ASDURF: variants seen among roughly 807,000 people sequenced by gnomAD.
The protein encoded by ASDURF is ASDURF protein.
ASDURF carries 3 observed loss-of-function variants against 3.3 expected under a neutral mutation model. The observed-to-expected ratio is 0.92, with a 90% CI of 0.42 to 2.37. The LOEUF (loss-of-function observed/expected upper bound fraction) is 2.37. Ranked by LOEUF, ASDURF falls within the 30% of genes most tolerant of loss-of-function variation. The pLI, the probability that ASDURF is intolerant of heterozygous loss-of-function variation, is 0.05. For synonymous variants in ASDURF, 11 were observed against 8.3 expected, an observed-to-expected ratio of 1.32 and a Z score of -0.55; for missense variants, 23 against 25.4, an observed-to-expected ratio of 0.90 and a Z score of 0.21.
rs748093665 is a variant in ASDURF at position 189,666,245 on chromosome 2, T to C, written c.*134T>C. 46 of 1,614,036 alleles carry C rather than the reference T, an allele frequency of 2.9e-5. No homozygotes were observed. The highest frequency in any genetic ancestry group is 3.8e-5 in the Non-Finnish European group (45 of 1,180,008). On this transcript the variant is annotated 3_prime_UTR_variant, in exon 4 of 4. Coordinates refer to ENST00000607829, the MANE Select transcript of ASDURF (RefSeq NM_001353493.2). ...CGGGGACCCAATAGTAGTAAACAAT[T>C]GTTAAAGTCTGATGTTAACTACCAG...
chr2:189,666,357 G>A lies in ASDURF; in HGVS notation c.*246G>A, dbSNP rs2032804220. The A allele has an allele frequency of 6.2e-7, 1 of 1,613,732 alleles. No individual in the cohort carries two copies. The highest frequency in any genetic ancestry group is 8.5e-7 in the Non-Finnish European group (1 of 1,179,854). ...ATGAAAGAGGCAATGTGTTTCTATGGAATGGAGAAATTTTTAGTGGAATAA... is the reference window on the plus strand; with the variant it reads ...ATGAAAGAGGCAATGTGTTTCTATGAAATGGAGAAATTTTTAGTGGAATAA... On this transcript the variant is annotated 3_prime_UTR_variant, in exon 4 of 4. Transcript: ENST00000607829.
At chr2:189,664,912 AC>A (rs2032750382) in intron 2 of ASDURF, among the ~76,000 whole-genome samples, 1 of 152,246 alleles carries the variant, frequency 6.6e-6, no homozygotes, top group Non-Finnish European at 1.5e-5. Context: ...AGATTTAGTT[AC>A]AAAGATAATC....
At chr2:189,663,394 C>CTATAT (rs2032715732) in intron 1 of ASDURF, among the ~76,000 whole-genome samples, 1 of 152,048 alleles carries the variant, frequency 6.6e-6, no homozygotes, top group Non-Finnish European at 1.5e-5. Context: ...GCTGGGATTA[C>CTATAT]AGGCATGTGC....
rs1468658593 is a variant in ASDURF at position 189,665,424 on chromosome 2, C to T, written c.193C>T (p.Arg65Ter). 5 of 397,132 alleles carry T rather than the reference C, an allele frequency of 1.3e-5. No individual in the cohort carries two copies. The highest frequency in any genetic ancestry group is 2.1e-5 in the African/African-American group (1 of 48,200). 24.6% of individuals were successfully genotyped at this position (397,132 alleles called of 1,614,324 possible). The stretch of plus-strand genomic sequence containing the variant: ...CAGCAATATATTCTTTCTTGCAGAC[C>T]GAACAGAAATGCTGTCTGAGAGCAA... ...QNSNIFFLAD[R>*]TEMLSESKNI... The change falls in exon 3 of 4, where the codon CGA becomes TGA. Residue 65 changes from arginine (R) to a stop codon, truncating the protein, a stop_gained. Coordinates refer to ENST00000607829, the MANE Select transcript of ASDURF (RefSeq NM_001353493.2). LOFTEE classifies it high-confidence loss of function.
In ASDURF at chr2:189,666,202, C is replaced by T. The variant is rs773228359; in HGVS notation, c.*91C>T. 1 of 1,611,452 alleles carries T rather than the reference C, an allele frequency of 6.2e-7. No individual in the cohort carries two copies. The highest frequency in any genetic ancestry group is 1.1e-5 in the South Asian group (1 of 90,168). On this transcript the variant is annotated 3_prime_UTR_variant, in exon 4 of 4. Transcript: ENST00000607829. ...CAGTCAAGATTTAAAAGAGGACTTA[C>T]TATATAATCTTAAACAGCGGGGACC... is the stretch of plus-strand genomic sequence containing the variant.
At chr2:189,662,430 G>A (rs2032689193) in intron 1 of ASDURF, among the ~76,000 whole-genome samples, 1 of 152,144 alleles carries the variant, frequency 6.6e-6, no homozygotes, top group Non-Finnish European at 1.5e-5. Flanking sequence ...ATGTACACCT[G>A]TCATTCCTAA....
intron 2 of ASDURF, among the ~76,000 whole-genome samples, chr2:189,665,133 C>T (rs2032756539): frequency 6.6e-6 from 1 of 152,048 alleles, no homozygotes; most frequent in Non-Finnish European, 1.5e-5. Flanking sequence ...TTGATAAAAG[C>T]ATAAATCTGC....
At chr2:189,661,710 C>T (rs2032669061) in intron 1 of ASDURF, 100 bp downstream of exon 1, 2 of 398,600 alleles carry the variant, frequency 5.0e-6, no homozygotes, top group African/African-American at 4.1e-5. Context: ...CTGCCTGGGC[C>T]TCGGCTTTGC....
At position 189,661,498 on chromosome 2, in the gene ASDURF, C is replaced by T. The variant is rs1132360; in HGVS notation, c.-23C>T. ...AGGCTCCTTCAGGGCTGAGCCATCC[C>T]GCGTGTCTTGCGCTCGGTGGAAATG... On this transcript the variant is annotated 5_prime_UTR_variant, in exon 1 of 4. Coordinates refer to ENST00000607829, the MANE Select transcript of ASDURF (RefSeq NM_001353493.2). 267,511 of 399,052 alleles carry T rather than the reference C, an allele frequency of 0.67. 95,068 individuals carry two copies. The highest frequency in any genetic ancestry group is 0.77 in the South Asian group (6,020 of 7,856). The allele number at this position is 399,052 out of a possible 1,614,324, so 24.7% of individuals were successfully genotyped here. A position where few individuals can be genotyped will look rare whatever the true frequency, so the allele number is the denominator to read the frequency against.
chr2:189,663,499 C>T (rs776875689), intron 1 of ASDURF, among the ~76,000 whole-genome samples: 2 of 152,066 alleles, frequency 1.3e-5, no homozygotes, highest in East Asian at 1.9e-4. Context: ...GTGATCCGCC[C>T]GCCTTGGCCT....
chr2:189,665,227 G>A lies in ASDURF; in HGVS notation c.145-149G>A, dbSNP rs938824443. 1.9e-5 allele frequency: 7 copies of A among 369,538 alleles called. No individual in the cohort carries two copies. The South Asian group carries it at 7.4e-4, about 39-fold the overall frequency. The allele number at this position is 369,538 out of a possible 1,614,324, so 22.9% of individuals were successfully genotyped here. Reference sequence around the variant, plus strand: ...AGCAATTTCTGGTAGTTGGGCAGTGGGTGACTTTTATTTGTCTTTTTGCTT... The same window carrying A: ...AGCAATTTCTGGTAGTTGGGCAGTGAGTGACTTTTATTTGTCTTTTTGCTT... On this transcript the variant is annotated intron_variant, in intron 2 of 3. Coordinates refer to ENST00000607829, the MANE Select transcript of ASDURF (RefSeq NM_001353493.2).
At chr2:189,665,076 A>G (rs559776918) in intron 2 of ASDURF, among the ~76,000 whole-genome samples, 3 of 152,326 alleles carry the variant, frequency 2.0e-5, no homozygotes, top group Non-Finnish European at 4.4e-5. Flanking sequence ...GTGTTCTTGT[A>G]AAAGAACACT....
In ASDURF at chr2:189,664,073, T is replaced by C. The variant is rs546234522; in HGVS notation, c.144+119T>C. 1.2e-4 allele frequency: 41 copies of C among 333,020 alleles called. No individual in the cohort carries two copies. The South Asian group carries it at 4.4e-3, about 36-fold the overall frequency. The allele number at this position is 333,020 out of a possible 1,614,324, so 20.6% of individuals were successfully genotyped here. On this transcript the variant is annotated intron_variant, in intron 2 of 3. Coordinates refer to ENST00000607829, the MANE Select transcript of ASDURF (RefSeq NM_001353493.2). The stretch of plus-strand genomic sequence containing the variant: ...ATACTTTAATAAAATGTATAGTATT[T>C]CAGCATCTTTTAAAATTGCAAGTGT...
chr2:189,662,280 A>G (rs895398779), intron 1 of ASDURF, among the ~76,000 whole-genome samples: 3 of 152,260 alleles, frequency 2.0e-5, no homozygotes, highest in South Asian at 4.1e-4. Flanking sequence ...TTAAAGATAA[A>G]TGGGGGTGGC....
Position 189,661,474 on chromosome 2 carries a change from G to C in ASDURF, c.-47G>C. Reference sequence around the variant, plus strand: ...CGCATGCGCTGTGGCTAATGCCGTAGGCTCCTTCAGGGCTGAGCCATCCCG... The same window carrying C: ...CGCATGCGCTGTGGCTAATGCCGTACGCTCCTTCAGGGCTGAGCCATCCCG... On this transcript the variant is annotated 5_prime_UTR_variant, in exon 1 of 4. The change abolishes the stop of an existing upstream ORF in the 5' untranslated region. Coordinates refer to ENST00000607829, the MANE Select transcript of ASDURF (RefSeq NM_001353493.2). 2.5e-6 allele frequency: 1 copy of C among 399,218 alleles called. No individual in the cohort carries two copies. The highest frequency in any genetic ancestry group is 4.4e-6 in the Non-Finnish European group (1 of 226,176). The allele number at this position is 399,218 out of a possible 1,614,324, so 24.7% of individuals were successfully genotyped here.
At position 189,666,267 on chromosome 2, in the gene ASDURF, C is replaced by T. The variant is rs771137306; in HGVS notation, c.*156C>T. ...AATTGTTAAAGTCTGATGTTAACTA[C>T]CAGTGTTTATTTTCTGCTCACGTCC... On this transcript the variant is annotated 3_prime_UTR_variant, in exon 4 of 4. Coordinates refer to ENST00000607829, the MANE Select transcript of ASDURF (RefSeq NM_001353493.2). 5 of 1,613,922 alleles carry T rather than the reference C, an allele frequency of 3.1e-6. No homozygotes were observed. The highest frequency in any genetic ancestry group is 1.1e-5 in the South Asian group (1 of 91,072).
Position 189,661,578 on chromosome 2 carries a change from T to G in ASDURF, c.58T>G (p.Ser20Ala), listed in dbSNP as rs2032665251. 2.5e-6 allele frequency: 1 copy of G among 399,188 alleles called. No individual in the cohort carries two copies. The highest frequency in any genetic ancestry group is 4.4e-6 in the Non-Finnish European group (1 of 226,222). 24.7% of individuals were successfully genotyped at this position (399,188 alleles called of 1,614,324 possible). Residue 20 changes from serine (S) to alanine (A), a missense_variant, in exon 1 of 4, where the codon TCG (serine) becomes GCG (alanine). Physicochemically the swap from Ser to Ala is moderately conservative, Grantham distance 99. Coordinates refer to ENST00000607829, the MANE Select transcript of ASDURF (RefSeq NM_001353493.2). ...CTCTGTGCTGATCCCCACCGACAATTCGACCCCACACAAGGAGGATCTAAG... is the reference window on the plus strand; with the variant it reads ...CTCTGTGCTGATCCCCACCGACAATGCGACCCCACACAAGGAGGATCTAAG... ...DSSVLIPTDN[S>A]TPHKEDLSSK...
chr2:189,665,644 A>ATATATATATATATATATG (rs1455945789), intron 3 of ASDURF, among the ~76,000 whole-genome samples, 193 bp downstream of exon 3: 7 of 123,748 alleles, frequency 5.7e-5, no homozygotes, highest in Admixed American at 2.4e-4. Flanking sequence ...ATATATATAT[A>ATATATATATATATATATG]TATTATAAAT....
chr2:189,666,048 G>C lies in ASDURF; in HGVS notation c.228G>C (p.Leu76Phe), dbSNP rs762882653. ...TEMLSESKNI[L>F]DELKKEYQEI... is the part of the protein sequence containing the mutation. ...TCTCCTTCCCTGCAACAGATATATT[G>C]GATGAACTGAAAAAAGAATACCAAG... Residue 76 changes from leucine to phenylalanine, a missense_variant, in exon 4 of 4, where the codon TTG (leucine) becomes TTC (phenylalanine). Coordinates refer to ENST00000607829, the MANE Select transcript of ASDURF (RefSeq NM_001353493.2). 1.7e-5 allele frequency: 23 copies of C among 1,382,098 alleles called. No individual in the cohort carries two copies. Among genetic ancestry groups the C allele is most frequent in the Non-Finnish European group, 2.1e-5 (22 of 1,027,330 alleles). The allele number at this position is 1,382,098 out of a possible 1,614,324, so 85.6% of individuals were successfully genotyped here.
Sources: allele counts gnomAD v4.1 joint callset (sites outside exome capture counted in the v4.1 genomes callset), GRCh38; gene constraint gnomAD v4.1.1; transcripts MANE v1.5; gene names NCBI Gene and HGNC (gene_info 2026-07-23, HGNC 2026-07-21).